Variants in SPPL2B observed in about 807,000 individuals in gnomAD.
SPPL2B encodes signal peptide peptidase-like 2B.
SPPL2B carries 39 observed loss-of-function variants against 59.7 expected under a neutral mutation model. The observed-to-expected ratio is 0.65, with a 90% CI of 0.51 to 0.85. The LOEUF (loss-of-function observed/expected upper bound fraction) is 0.85, where lower values mean the gene tolerates loss of function less well. SPPL2B is among the 40% of genes least tolerant of loss of function. SPPL2B has a pLI of 0.00. For synonymous variants in SPPL2B, 419 were observed against 370.8 expected (o/e 1.13, Z -1.49); for missense variants, 865 against 849.0 (o/e 1.02, Z -0.23).
At position 2,344,612 on chromosome 19, in the gene SPPL2B, G is replaced by A; in HGVS notation, c.1236G>A (p.Arg412=). 6.2e-7 allele frequency: 1 copy of A among 1,613,118 alleles called. No individual in the cohort carries two copies. Among genetic ancestry groups the A allele is most frequent in the Non-Finnish European group, 8.5e-7 (1 of 1,179,594 alleles). ...CCTCACCTCTGGCCCTGTGTGACCGGCCCTTCTCCCTCCTGGGTTTCGGAG... is the reference window on the plus strand; with the variant it reads ...CCTCACCTCTGGCCCTGTGTGACCGACCCTTCTCCCTCCTGGGTTTCGGAG... ...LNSSPLALCD[R]PFSLLGFGDI... Residue 412 remains arginine, a synonymous_variant, in exon 12 of 15, where the codon CGG becomes CGA. Transcript: ENST00000613503.
intron 7 of SPPL2B, chr19:2,340,483 C>G: frequency 1.6e-6 from 1 of 606,720 alleles, no homozygotes; most frequent in Non-Finnish European, 3.0e-6. Context: ...AGGTTCCCCA[C>G]AGCCCAGAGC....
At chr19:2,351,752 CCGGTGG>C in intron 14 of SPPL2B, 158 bp downstream of exon 14, 1 of 989,484 alleles carries the variant, frequency 1.0e-6, no homozygotes. Context: ...GCGTGAGGCC[CCGGTGG>C]AAGGACGTGC....
At chr19:2,343,077 A>G (rs1309424861) in intron 8 of SPPL2B, 134 bp from the exon 9 acceptor site, 2 of 706,002 alleles carry the variant, frequency 2.8e-6, no homozygotes, top group African/African-American at 3.5e-5. Context: ...CCTCAGAGTC[A>G]TCCCCTGGGC....
chr19:2,349,745 C>A (rs1362177525), intron 13 of SPPL2B, among the ~76,000 whole-genome samples: 1 of 139,966 alleles, frequency 7.1e-6, no homozygotes, highest in African/African-American at 2.9e-5. Context: ...TTCTCTCTCT[C>A]CACACACATG....
chr19:2,341,736 A>AAAATG lies in SPPL2B; in HGVS notation c.956+722_956+723insAAATG, dbSNP rs1317274427. On this transcript the variant is annotated intron_variant, in intron 8 of 14. Transcript: ENST00000613503. ...TGAAAATATTTTGAATCCTTTGTAC[A>AAAATG]CAAAGAGAAAATGAATCTTTTCAGT... 1.0e-5 allele frequency: 4 copies of AAAATG among 395,698 alleles called. No individual in the cohort carries two copies. The East Asian group carries it at 3.0e-4, about 30-fold the overall frequency. 24.5% of individuals were successfully genotyped at this position (395,698 alleles called of 1,614,324 possible).
intron 1 of SPPL2B, 41 bp downstream of exon 1, chr19:2,328,816 C>T (rs1342136461): frequency 4.5e-6 from 6 of 1,337,596 alleles, no homozygotes; most frequent in Non-Finnish European, 5.7e-6. Context: ...CGGGCTGCGG[C>T]CCTTCGGCCT....
Position 2,352,991 on chromosome 19 carries a change from C to T in SPPL2B, c.1561C>T (p.Pro521Ser). ...SPWAPAPADGPQPPKDSATPL... is the reference protein window; with the variant it reads ...SPWAPAPADGSQPPKDSATPL... ...GTGGGCCCCAGCACCAGCCGACGGC[C>T]CGCAGCCTCCCAAAGACTCTGCCAC... Residue 521 changes from proline (P) to serine (S), a missense_variant, in exon 15 of 15, where the codon CCG (proline) becomes TCG (serine). Pro to Ser is a moderately conservative substitution (Grantham distance 74). Coordinates refer to ENST00000613503, the MANE Select transcript of SPPL2B (RefSeq NM_152988.3). The T allele has an allele frequency of 2.5e-6, 4 of 1,612,246 alleles. No individual in the cohort carries two copies. Among genetic ancestry groups the T allele is most frequent in the Non-Finnish European group, 3.4e-6 (4 of 1,179,726 alleles).
chr19:2,336,852 C>T (rs1209947954), intron 2 of SPPL2B, among the ~76,000 whole-genome samples: 1 of 141,636 alleles, frequency 7.1e-6, no homozygotes, highest in Non-Finnish European at 1.5e-5. Context: ...TGTGTGTGCA[C>T]TCCAGCCTGG....
At position 2,339,887 on chromosome 19, in the gene SPPL2B, G is replaced by A; in HGVS notation, c.663G>A (p.Val221=). ...PEKQEDEAVD[V]TPVMTCVFVV... Reference sequence around the variant, plus strand: ...AGCAGGAGGACGAGGCGGTGGACGTGACGCCGGTGATGACCTGCGTGTTTG... The same window carrying A: ...AGCAGGAGGACGAGGCGGTGGACGTAACGCCGGTGATGACCTGCGTGTTTG... Residue 221 remains valine (V), a synonymous_variant, in exon 6 of 15, where the codon GTG becomes GTA. Transcript: ENST00000613503. 6.3e-7 allele frequency: 1 copy of A among 1,592,056 alleles called. No homozygotes were observed. Among genetic ancestry groups the A allele is most frequent in the African/African-American group, 1.3e-5 (1 of 74,660 alleles).
At position 2,353,258 on chromosome 19, in the gene SPPL2B, G is replaced by A; in HGVS notation, c.*49G>A. 2 of 1,555,740 alleles carry A rather than the reference G, an allele frequency of 1.3e-6. No individual in the cohort carries two copies. Among genetic ancestry groups the A allele is most frequent in the Non-Finnish European group, 1.7e-6 (2 of 1,161,728 alleles). On this transcript the variant is annotated 3_prime_UTR_variant, in exon 15 of 15. Coordinates refer to ENST00000613503, the MANE Select transcript of SPPL2B (RefSeq NM_152988.3). ...CGTGCCCGCCACACCAAGATGTTGG[G>A]GCTGCCTGGCGCCCACTGGAGACAG... is the stretch of plus-strand genomic sequence containing the variant.
chr19:2,350,525 C>T (rs1969868624), intron 13 of SPPL2B, among the ~76,000 whole-genome samples: 1 of 152,262 alleles, frequency 6.6e-6, no homozygotes, highest in African/African-American at 2.4e-5. Context: ...CACACACACT[C>T]ACGCTCCCCC....
At position 2,343,991 on chromosome 19, in the gene SPPL2B, G is replaced by T. The variant is rs555728336; in HGVS notation, c.1065G>T (p.Leu355=). Residue 355 remains leucine (L), a synonymous_variant, in exon 10 of 15, where the codon CTG becomes CTT. Coordinates refer to ENST00000613503, the MANE Select transcript of SPPL2B (RefSeq NM_152988.3). The part of the protein sequence containing the change: ...FKACTLLLLV[L]FLYDIFFVFI... ...CCTGCACGCTGCTGCTGCTGGTGCTGTTCCTCTACGACATCTTCTTCGTGT... is the reference window on the plus strand; with the variant it reads ...CCTGCACGCTGCTGCTGCTGGTGCTTTTCCTCTACGACATCTTCTTCGTGT... 14 of 1,548,332 alleles carry T rather than the reference G, an allele frequency of 9.0e-6. No homozygotes were observed. The highest frequency in any genetic ancestry group is 1.4e-5 in the African/African-American group (1 of 72,892).
At chr19:2,340,754 C>T (rs989239827) in intron 7 of SPPL2B, 144 bp from the exon 8 acceptor site, 7 of 606,346 alleles carry the variant, frequency 1.2e-5, no homozygotes, top group East Asian at 2.8e-5. Flanking sequence ...CTGTTGTCAT[C>T]GTGTGGGATG....
At chr19:2,338,472 T>C in intron 3 of SPPL2B, 1 of 373,420 alleles carries the variant, frequency 2.7e-6, no homozygotes, top group Non-Finnish European at 4.9e-6. Flanking sequence ...GACTTGTATG[T>C]GCGGTTCGGG....
In SPPL2B at chr19:2,337,909, C is replaced by T. The variant is rs562873401; in HGVS notation, c.369+284C>T. 2.2e-4 allele frequency: 85 copies of T among 380,894 alleles called. 1 individual carries two copies. The South Asian group carries it at 3.1e-3, about 14-fold the overall frequency. The allele number at this position is 380,894 out of a possible 1,614,324, so 23.6% of individuals were successfully genotyped here. On this transcript the variant is annotated intron_variant, in intron 3 of 14. Coordinates refer to ENST00000613503, the MANE Select transcript of SPPL2B (RefSeq NM_152988.3). ...GTCCTAGAGCAGCCCCCAGGGGTGA[C>T]GGAGACCACACTCTCTGTGGGGATG... is the stretch of plus-strand genomic sequence containing the variant.
rs1173285711 is a variant in SPPL2B at position 2,339,860 on chromosome 19, G to A, written c.636G>A (p.Glu212=). The A allele has an allele frequency of 6.2e-7, 1 of 1,604,764 alleles. No individual in the cohort carries two copies. The highest frequency in any genetic ancestry group is 2.3e-5 in the East Asian group (1 of 44,434). The part of the protein sequence containing the change: ...YMKHKRDDGP[E]KQEDEAVDVT... ...AGCACAAGCGCGACGATGGGCCCGA[G>A]AAGCAGGAGGACGAGGCGGTGGACG... The change falls in exon 6 of 15, where the codon GAG becomes GAA. Residue 212 remains glutamate, a synonymous_variant. Transcript: ENST00000613503.
rs570435278 is a variant in SPPL2B, at chr19:2,334,911, C to G, written c.186+190C>G. Among the ~76,000 whole-genome samples, 77 of 152,296 alleles carry G rather than the reference C, an allele frequency of 5.1e-4. No individual in the cohort carries two copies. In the South Asian group the frequency reaches 0.016, roughly 32 times the overall value. The stretch of plus-strand genomic sequence containing the variant: ...AACCCTGGTCATCAATGCAAGCTGT[C>G]CATGCGGCCTTGGGGTGCAGATCCA... On this transcript the variant is annotated intron_variant, in intron 2 of 14. Transcript: ENST00000613503.
chr19:2,343,918 G>A lies in SPPL2B; in HGVS notation c.1039-47G>A, dbSNP rs1054186606. On this transcript the variant is annotated intron_variant, in intron 9 of 14. Transcript: ENST00000613503. Reference sequence around the variant, plus strand: ...TGGGCCTCATGAGATGGGAGTGGGGGAGGCACGGGCCGGGGTGGGGGCCGC... The same window carrying A: ...TGGGCCTCATGAGATGGGAGTGGGGAAGGCACGGGCCGGGGTGGGGGCCGC... The A allele has an allele frequency of 3.5e-6, 5 of 1,431,096 alleles. No individual in the cohort carries two copies. The Admixed American group carries it at 5.9e-5, about 17-fold the overall frequency. 88.6% of individuals were successfully genotyped at this position (1,431,096 alleles called of 1,614,324 possible). A position where few individuals can be genotyped will look rare whatever the true frequency, so the allele number is the denominator to read the frequency against.
Position 2,339,158 on chromosome 19 carries a change from G to T in SPPL2B, c.549G>T (p.Val183=). ...YNMVIIFIMA[V]GTVAIGGYWA... ...TGGTCATCATCTTCATCATGGCTGT[G>T]GGCACCGTCGCCATCGGCGGCTACT... The change falls in exon 5 of 15, where the codon GTG becomes GTT. Residue 183 remains valine, a synonymous_variant. Transcript: ENST00000613503. 6.2e-7 allele frequency: 1 copy of T among 1,602,276 alleles called. No individual in the cohort carries two copies. Among genetic ancestry groups the T allele is most frequent in the South Asian group, 1.1e-5 (1 of 89,144 alleles).
Sources: allele counts gnomAD v4.1 joint callset (sites outside exome capture counted in the v4.1 genomes callset), GRCh38; gene constraint gnomAD v4.1.1; transcripts MANE v1.5; gene names NCBI Gene and HGNC (gene_info 2026-07-23, HGNC 2026-07-21).